The following PPM1H variants were observed in gnomAD, a reference collection of about 807,000 sequenced individuals.
PPM1H encodes protein phosphatase, Mg2+/Mn2+ dependent 1H, also known as protein phosphatase 1H.
PPM1H carries 27 observed loss-of-function variants against 54.9 expected under a neutral mutation model. That is an observed-to-expected ratio of 0.49 (90% confidence interval 0.36 to 0.68). The LOEUF (loss-of-function observed/expected upper bound fraction) is 0.68, where lower values mean the gene tolerates loss of function less well. Ranked by LOEUF, PPM1H falls within the 30% of genes least tolerant of loss-of-function variation. The pLI, the probability that PPM1H is intolerant of heterozygous loss-of-function variation, is 0.00. For missense variants in PPM1H, 596 were observed against 667.8 expected, an observed-to-expected ratio of 0.89 and a Z score of 1.19; for synonymous variants, 305 against 270.8, an observed-to-expected ratio of 1.13 and a Z score of -1.24.
At chr12:62,891,104 C>CAAAAAA (rs71450596) in intron 1 of PPM1H, among the ~76,000 whole-genome samples, 14 of 76,090 alleles carry the variant, frequency 1.8e-4, no homozygotes, top group African/African-American at 5.6e-4. Flanking sequence ...GCAAGACTCT[C>CAAAAAA]AAAAAAAAAA....
At chr12:62,717,422 C>T (rs1229518892) in intron 6 of PPM1H, among the ~76,000 whole-genome samples, 1 of 151,550 alleles carries the variant, frequency 6.6e-6, no homozygotes, top group African/African-American at 2.4e-5. Context: ...CATTTGTGGA[C>T]TGTTTATCTG....
At chr12:62,817,149 A>AC (rs2076873268) in intron 2 of PPM1H, among the ~76,000 whole-genome samples, 1 of 132,768 alleles carries the variant, frequency 7.5e-6, no homozygotes, top group African/African-American at 2.8e-5. Context: ...AAAAAAAAAA[A>AC]ACTAAAAAAA....
At chr12:62,696,627 G>A (rs1040626318) in intron 6 of PPM1H, among the ~76,000 whole-genome samples, 2 of 152,198 alleles carry the variant, frequency 1.3e-5, no homozygotes, top group African/African-American at 2.4e-5. Context: ...AACTTGATTA[G>A]AGTCTGTATA....
chr12:62,915,402 T>C (rs1477638656), intron 1 of PPM1H, among the ~76,000 whole-genome samples: 1 of 152,224 alleles, frequency 6.6e-6, no homozygotes, highest in Non-Finnish European at 1.5e-5. Flanking sequence ...CAATCAGGAA[T>C]GGTTGGAGGG....
intron 1 of PPM1H, among the ~76,000 whole-genome samples, chr12:62,912,911 T>G (rs918208712): frequency 1.3e-5 from 2 of 152,220 alleles, no homozygotes; most frequent in Non-Finnish European, 1.5e-5. Context: ...ACCATTAGTT[T>G]GTAGATGATT....
chr12:62,655,225 T>G (rs1187034549), intron 9 of PPM1H, among the ~76,000 whole-genome samples: 1 of 152,166 alleles, frequency 6.6e-6, no homozygotes, highest in Non-Finnish European at 1.5e-5. Context: ...GAGAAGGCCT[T>G]TTGTGTCAGC....
chr12:62,810,099 T>C (rs921470441), intron 2 of PPM1H, among the ~76,000 whole-genome samples: 3 of 152,162 alleles, frequency 2.0e-5, no homozygotes, highest in Non-Finnish European at 4.4e-5. Flanking sequence ...ACAGAATAGA[T>C]GTTCGATAAA....
intron 5 of PPM1H, among the ~76,000 whole-genome samples, chr12:62,728,755 G>C (rs2076303931): frequency 6.6e-6 from 1 of 152,164 alleles, no homozygotes; most frequent in East Asian, 1.9e-4. Context: ...AGGGTAGCCG[G>C]AAGCAGGGAA....
chr12:62,750,857 A>G (rs1305238221), intron 4 of PPM1H, among the ~76,000 whole-genome samples: 1 of 152,240 alleles, frequency 6.6e-6, no homozygotes, highest in Non-Finnish European at 1.5e-5. Context: ...CTGCATGTTT[A>G]GATTTCAATG....
intron 3 of PPM1H, among the ~76,000 whole-genome samples, chr12:62,793,740 C>CAAAAAAAAAAAAAAAAA (rs34457644): frequency 2.8e-4 from 17 of 61,224 alleles, no homozygotes; most frequent in Admixed American, 4.3e-4. Context: ...AACTCCGTTT[C>CAAAAAAAAAAAAAAAAA]AAAAAAAAAA....
At chr12:62,912,592 T>C (rs1473064943) in intron 1 of PPM1H, among the ~76,000 whole-genome samples, 1 of 152,184 alleles carries the variant, frequency 6.6e-6, no homozygotes, top group Non-Finnish European at 1.5e-5. Flanking sequence ...TAGTTAACCT[T>C]CTACTATGAT....
At chr12:62,809,489 G>A (rs1179910132) in intron 2 of PPM1H, among the ~76,000 whole-genome samples, 1 of 152,228 alleles carries the variant, frequency 6.6e-6, no homozygotes, top group African/African-American at 2.4e-5. Flanking sequence ...AGGAATGAAT[G>A]TCTCCTCAAT....
intron 7 of PPM1H, among the ~76,000 whole-genome samples, chr12:62,691,142 G>A (rs2076080579): frequency 1.3e-5 from 2 of 152,192 alleles, no homozygotes; most frequent in South Asian, 4.1e-4. Context: ...CTCCACGGAG[G>A]AGGTGGCACT....
rs939640496 is a variant in PPM1H at position 62,646,912 on chromosome 12, A to G, written c.*1577T>C. The G allele has an allele frequency of 6.6e-6, 1 of 152,228 alleles. No individual in the cohort carries two copies. The highest frequency in any genetic ancestry group is 1.9e-4 in the East Asian group (1 of 5,188). 9.4% of individuals were successfully genotyped at this position (152,228 alleles called of 1,614,324 possible). ...CCTCTGGGAAGAAATTCAAACAAAT[A>G]TGAGAACTGGAATTAGCTCTCTAGC... On this transcript the variant is annotated 3_prime_UTR_variant, in exon 10 of 10. Transcript: ENST00000228705.
At chr12:62,808,016 T>C (rs1490418742) in intron 2 of PPM1H, among the ~76,000 whole-genome samples, 5 of 152,198 alleles carry the variant, frequency 3.3e-5, no homozygotes, top group Non-Finnish European at 7.3e-5. Flanking sequence ...TTTTGTATTT[T>C]TCAGAGAGAT....
intron 1 of PPM1H, among the ~76,000 whole-genome samples, chr12:62,836,433 G>A (rs1210215646): frequency 6.6e-6 from 1 of 152,194 alleles, no homozygotes; most frequent in Non-Finnish European, 1.5e-5. Context: ...AGAGACTGCT[G>A]TTAATATTTT....
chr12:62,700,479 A>G (rs1418456400), intron 6 of PPM1H, among the ~76,000 whole-genome samples: 2 of 152,076 alleles, frequency 1.3e-5, no homozygotes, highest in African/African-American at 4.8e-5. Context: ...CACCTTCTCA[A>G]TTTTCCAGTA....
At chr12:62,782,693 A>G (rs2076649252) in intron 4 of PPM1H, among the ~76,000 whole-genome samples, 1 of 152,226 alleles carries the variant, frequency 6.6e-6, no homozygotes, top group Admixed American at 6.5e-5. Flanking sequence ...AAACTTAGTG[A>G]GACACTTGCT....
intron 4 of PPM1H, among the ~76,000 whole-genome samples, chr12:62,756,651 G>A (rs2076478033): frequency 6.6e-6 from 1 of 151,884 alleles, no homozygotes; most frequent in East Asian, 1.9e-4. Flanking sequence ...TTGGGAATGT[G>A]GTCCTGAAAA....
Sources: allele counts gnomAD v4.1 joint callset (sites outside exome capture counted in the v4.1 genomes callset), GRCh38; gene constraint gnomAD v4.1.1; transcripts MANE v1.5; gene names NCBI Gene and HGNC (gene_info 2026-07-23, HGNC 2026-07-21).